The following KIAA1549 variants were observed in gnomAD, a reference collection of about 807,000 sequenced individuals.
KIAA1549 encodes UPF0606 protein KIAA1549.
Under a neutral mutation model 156.4 loss-of-function variants are expected in KIAA1549, and 70 were observed. That is an observed-to-expected ratio of 0.45 (90% CI 0.37 to 0.55). The LOEUF is 0.55. Ranked by LOEUF, KIAA1549 falls within the 20% of genes least tolerant of loss-of-function variation. The pLI, the probability that KIAA1549 is intolerant of heterozygous loss-of-function variation, is 0.00. For missense variants in KIAA1549, 2,428 were observed against 2,540.9 expected (o/e 0.96, Z 0.96); for synonymous variants, 1,103 against 1,066.4 (o/e 1.03, Z -0.67).
intron 12 of KIAA1549, among the ~76,000 whole-genome samples, chr7:138,879,285 C>T (rs1016322071): frequency 1.3e-5 from 2 of 152,256 alleles, no homozygotes; most frequent in African/African-American, 2.4e-5. Flanking sequence ...GCAGGCAAAT[C>T]GTGAGGACTC....
At chr7:138,979,396 C>G (rs886677276) in intron 1 of KIAA1549, among the ~76,000 whole-genome samples, 3 of 152,196 alleles carry the variant, frequency 2.0e-5, no homozygotes, top group Admixed American at 1.3e-4. Flanking sequence ...GGGAAGCCAT[C>G]AGGCACAGAA....
intron 1 of KIAA1549, among the ~76,000 whole-genome samples, chr7:138,963,109 C>A (rs185041244): frequency 2.0e-4 from 31 of 152,366 alleles, no homozygotes; most frequent in Middle Eastern, 3.4e-3. Flanking sequence ...GCAGTGAGTG[C>A]TCCATCAATG....
At position 138,918,644 on chromosome 7, in the gene KIAA1549, C is replaced by T; in HGVS notation, c.982G>A (p.Val328Met). The change falls in exon 2 of 20, where the codon GTG becomes ATG. Residue 328 changes from valine (V) to methionine (M), a missense_variant. Val to Met is a conservative substitution (Grantham distance 21). Coordinates refer to ENST00000422774, the MANE Select transcript of KIAA1549 (RefSeq NM_001164665.2). The surrounding 1 kb of genome is among the most constrained non-coding windows in gnomAD (Gnocchi z 4.2). ...SADRYTDVTT[V>M]LSQSLEETIS... The stretch of plus-strand genomic sequence containing the variant: ...GTTTCTTCTAGGCTTTGACTCAACA[C>T]AGTGGTCACATCAGTGTATCTGTCT... 1 of 1,613,814 alleles carries T rather than the reference C, an allele frequency of 6.2e-7. No individual in the cohort carries two copies. Among genetic ancestry groups the T allele is most frequent in the South Asian group, 1.1e-5 (1 of 91,086 alleles).
chr7:138,927,353 G>C (rs1812748551), intron 1 of KIAA1549, among the ~76,000 whole-genome samples: 1 of 152,152 alleles, frequency 6.6e-6, no homozygotes, highest in East Asian at 1.9e-4. Context: ...GCATAAGAAT[G>C]CAACTGGCTG....
chr7:138,879,099 C>T (rs1811170089), intron 12 of KIAA1549, among the ~76,000 whole-genome samples: 2 of 152,196 alleles, frequency 1.3e-5, no homozygotes, highest in African/African-American at 4.8e-5. Flanking sequence ...ACTAAACCAC[C>T]TGGTGGAAGA....
intron 12 of KIAA1549, among the ~76,000 whole-genome samples, chr7:138,874,133 G>C (rs1294015276): frequency 4.7e-5 from 7 of 148,904 alleles, no homozygotes; most frequent in Non-Finnish European, 7.4e-5. Flanking sequence ...GCTATGCATT[G>C]CACAATTTTT....
intron 10 of KIAA1549, 38 bp from the exon 11 acceptor site, chr7:138,881,622 G>A (rs780737407): frequency 1.7e-5 from 26 of 1,568,478 alleles, no homozygotes; most frequent in Admixed American, 8.9e-5. Flanking sequence ...TTGTTAACCC[G>A]GAATCCAAGG....
At position 138,856,739 on chromosome 7, in the gene KIAA1549, C is replaced by T. The variant is rs191559203; in HGVS notation, c.5247+4400G>A. Among the ~76,000 whole-genome samples the T allele has an allele frequency of 2.7e-3, 407 of 152,326 alleles. 1 individual carries two copies. The highest frequency in any genetic ancestry group is 4.8e-3 in the Admixed American group (74 of 15,296). ...TCTGTTACTACTCAGCCAGAACTCA[C>T]TTAACTGCTTAGAACATACTGTAAT... On this transcript the variant is annotated intron_variant, in intron 16 of 19. Transcript: ENST00000422774.
chr7:138,971,913 C>T (rs999809373), intron 1 of KIAA1549, among the ~76,000 whole-genome samples: 1 of 152,170 alleles, frequency 6.6e-6, no homozygotes, highest in Non-Finnish European at 1.5e-5. Context: ...ACCATGGGGG[C>T]CACTGCAGAC....
Position 138,919,037 on chromosome 7 carries a change from A to G in KIAA1549, c.589T>C (p.Ser197Pro), listed in dbSNP as rs2130483432. Reference sequence around the variant, plus strand: ...TCTTGTAAAGAAACCATGGGTAATGATGGAGTGAGCATAGGTTCTAATGCT... The same window carrying G: ...TCTTGTAAAGAAACCATGGGTAATGGTGGAGTGAGCATAGGTTCTAATGCT... ...REALEPMLTP[S>P]LPMVSLQDEE... Residue 197 changes from serine (S) to proline (P), a missense_variant, in exon 2 of 20, where the codon TCA (serine) becomes CCA (proline). Transcript: ENST00000422774. The G allele has an allele frequency of 6.2e-7, 1 of 1,614,020 alleles. No individual in the cohort carries two copies. The highest frequency in any genetic ancestry group is 8.5e-7 in the Non-Finnish European group (1 of 1,179,902).
At chr7:138,879,702 A>C in intron 11 of KIAA1549, 49 bp from the exon 12 acceptor site, 2 of 1,207,994 alleles carry the variant, frequency 1.7e-6, no homozygotes, top group African/African-American at 1.5e-5. Context: ...AAAGAATGAA[A>C]AGGAAAAAGT....
chr7:138,975,705 T>C (rs569627278), intron 1 of KIAA1549, among the ~76,000 whole-genome samples: 4 of 152,330 alleles, frequency 2.6e-5, no homozygotes, highest in African/African-American at 9.6e-5. Context: ...AATCACATCA[T>C]TGTGAGCTCC....
At chr7:138,869,244 G>C (rs1810847283) in intron 14 of KIAA1549, among the ~76,000 whole-genome samples, 1 of 152,224 alleles carries the variant, frequency 6.6e-6, no homozygotes, top group Admixed American at 6.5e-5. Flanking sequence ...TGAATTGGAA[G>C]AGACAGATTA....
At position 138,917,706 on chromosome 7, in the gene KIAA1549, C is replaced by T. The variant is rs377365626; in HGVS notation, c.1920G>A (p.Ser640=). 48 of 1,602,410 alleles carry T rather than the reference C, an allele frequency of 3.0e-5. No individual in the cohort carries two copies. Among genetic ancestry groups the T allele is most frequent in the African/African-American group, 9.4e-5 (7 of 74,510 alleles). ...ACAGAGACGCAGGTGCTTCCGAAGGCGAAGAGATGGAGCCGCTGAGTTCCA... is the reference window on the plus strand; with the variant it reads ...ACAGAGACGCAGGTGCTTCCGAAGGTGAAGAGATGGAGCCGCTGAGTTCCA... The part of the protein sequence containing the change: ...PPLELSGSIS[S]PSEAPASLSL... Residue 640 remains serine, a synonymous_variant, in exon 2 of 20, where the codon TCG becomes TCA. Coordinates refer to ENST00000422774, the MANE Select transcript of KIAA1549 (RefSeq NM_001164665.2).
intron 1 of KIAA1549, among the ~76,000 whole-genome samples, chr7:138,924,766 C>G (rs10262587): frequency 0.21 from 31,332 of 152,054 alleles, 3,502 homozygotes; most frequent in African/African-American, 0.28. Context: ...AAAACCCAGG[C>G]GAGTCTCTCT....
At chr7:138,887,999 G>T (rs114807099) in intron 10 of KIAA1549, among the ~76,000 whole-genome samples, 1 of 152,204 alleles carries the variant, frequency 6.6e-6, no homozygotes, top group African/African-American at 2.4e-5. Flanking sequence ...AATGCCAAGG[G>T]CATTGTCTCA....
chr7:138,840,928 C>T (rs1809899225), intron 18 of KIAA1549, among the ~76,000 whole-genome samples: 1 of 152,226 alleles, frequency 6.6e-6, no homozygotes, highest in Non-Finnish European at 1.5e-5. Context: ...GGGATCATGA[C>T]TTGGTACCAG....
At chr7:138,935,616 C>T (rs1389291691) in intron 1 of KIAA1549, among the ~76,000 whole-genome samples, 7 of 152,268 alleles carry the variant, frequency 4.6e-5, no homozygotes, top group African/African-American at 1.2e-4. Context: ...GAGTGGCACA[C>T]GACATCCCAT....
chr7:138,942,390 G>C (rs370639699), intron 1 of KIAA1549, among the ~76,000 whole-genome samples: 2 of 151,236 alleles, frequency 1.3e-5, no homozygotes, highest in African/African-American at 4.9e-5. Flanking sequence ...AGAGCAATAC[G>C]GTGAAAATAA....
Sources: allele counts gnomAD v4.1 joint callset (sites outside exome capture counted in the v4.1 genomes callset), GRCh38; gene constraint gnomAD v4.1.1; non-coding constraint Gnocchi (gnomAD v3.1); transcripts MANE v1.5; gene names NCBI Gene and HGNC (gene_info 2026-07-23, HGNC 2026-07-21).